RPH3AL: variants seen among roughly 807,000 people sequenced by gnomAD.
The protein encoded by RPH3AL is rab effector Noc2.
RPH3AL carries 38 observed loss-of-function variants against 43.1 expected under a neutral mutation model. The observed-to-expected ratio is 0.88, with a 90% confidence interval of 0.68 to 1.15. The LOEUF (loss-of-function observed/expected upper bound fraction) is 1.15. Ranked by LOEUF, RPH3AL falls within the 50% of genes most tolerant of loss-of-function variation. The pLI is 0.00. For missense variants in RPH3AL, 462 were observed against 423.2 expected (o/e 1.09, Z -0.81); for synonymous variants, 189 against 176.3 (o/e 1.07, Z -0.57).
At chr17:334,725 A>C (rs4993403) in intron 1 of RPH3AL, among the ~76,000 whole-genome samples, 3 of 122,310 alleles carry the variant, frequency 2.5e-5, no homozygotes, top group Non-Finnish European at 3.5e-5. Context: ...CACCCCCAGC[A>C]AGTGCGGCTC....
At chr17:314,258 T>C (rs2043758810) in intron 5 of RPH3AL, among the ~76,000 whole-genome samples, 1 of 152,186 alleles carries the variant, frequency 6.6e-6, no homozygotes. Context: ...GGCCAGGCTC[T>C]GTGCCTCTCC....
At chr17:242,153 G>A (rs2041555137) in intron 7 of RPH3AL, among the ~76,000 whole-genome samples, 1 of 152,078 alleles carries the variant, frequency 6.6e-6, no homozygotes, top group South Asian at 2.1e-4. Context: ...AAACTTTAAA[G>A]GAGGAAGAAA....
At chr17:315,932 C>A (rs980088414) in intron 5 of RPH3AL, among the ~76,000 whole-genome samples, 1,641 of 117,014 alleles carry the variant, frequency 0.014, no homozygotes, top group South Asian at 0.019. Flanking sequence ...CCCTGTGCCC[C>A]CACCTCCATT....
At chr17:326,571 C>T (rs1226826812) in intron 3 of RPH3AL, among the ~76,000 whole-genome samples, 2 of 152,130 alleles carry the variant, frequency 1.3e-5, no homozygotes, top group Non-Finnish European at 2.9e-5. Context: ...TGAGAGGTCA[C>T]TAGGCTGAGG....
At chr17:226,433 T>C (rs2041108537) in intron 7 of RPH3AL, among the ~76,000 whole-genome samples, 1 of 152,346 alleles carries the variant, frequency 6.6e-6, no homozygotes, top group Middle Eastern at 3.4e-3. Context: ...CTCACTGTGT[T>C]GGGATTTCAA....
rs1218140452 is a variant in RPH3AL, at chr17:321,303, G to T, written c.190C>A (p.Arg64=). The change falls in exon 4 of 10, where the codon CGG becomes AGG. Residue 64 remains arginine (R), a synonymous_variant. Coordinates refer to ENST00000331302, the MANE Select transcript of RPH3AL (RefSeq NM_006987.4). ...AILQVIQRAE[R]LDVLEQQRIG... is the part of the protein sequence containing the mutation. Reference sequence around the variant, plus strand: ...CTCTGCTGCTCCAGGACGTCGAGCCGCTCTGCCCTCTGGATGACCTGCAGG... The same window carrying T: ...CTCTGCTGCTCCAGGACGTCGAGCCTCTCTGCCCTCTGGATGACCTGCAGG... 7 of 1,610,248 alleles carry T rather than the reference G, an allele frequency of 4.3e-6. No homozygotes were observed. Among genetic ancestry groups the T allele is most frequent in the African/African-American group, 1.3e-5 (1 of 75,038 alleles).
intron 5 of RPH3AL, among the ~76,000 whole-genome samples, chr17:314,193 G>C (rs1000916090): frequency 2.0e-5 from 3 of 152,194 alleles, no homozygotes; most frequent in Non-Finnish European, 2.9e-5. Context: ...CCCAGGGGAA[G>C]TGGGCCAGGA....
chr17:269,071 G>A (rs1274056023), intron 6 of RPH3AL, among the ~76,000 whole-genome samples: 2 of 152,094 alleles, frequency 1.3e-5, no homozygotes, highest in Non-Finnish European at 2.9e-5. Flanking sequence ...GTAGAGACGG[G>A]GTTTCACCGT....
In RPH3AL at chr17:260,019, C is replaced by T. The variant is rs1235881268; in HGVS notation, c.439-12734G>A. Among the ~76,000 whole-genome samples, 3 of 152,210 alleles carry T rather than the reference C, an allele frequency of 2.0e-5. No individual in the cohort carries two copies. The East Asian group carries it at 5.8e-4, about 29-fold the overall frequency. On this transcript the variant is annotated intron_variant, in intron 6 of 9. Coordinates refer to ENST00000331302, the MANE Select transcript of RPH3AL (RefSeq NM_006987.4). ...GACAGGGGAGCCTGAAGACCCCTCT[C>T]TCTGTCCATTGTCCACCCCTTCCAT...
rs1018222951 is a variant in RPH3AL, at chr17:269,090, G to A, written c.438+12678C>T. Among the ~76,000 whole-genome samples, 11 of 152,274 alleles carry A rather than the reference G, an allele frequency of 7.2e-5. No homozygotes were observed. In the South Asian group the frequency reaches 1.7e-3, roughly 23 times the overall value. ...AGACGGGGTTTCACCGTGTTAGCCAGGATGGTCTCGATCTCCTGACCTCAT... is the reference window on the plus strand; with the variant it reads ...AGACGGGGTTTCACCGTGTTAGCCAAGATGGTCTCGATCTCCTGACCTCAT... On this transcript the variant is annotated intron_variant, in intron 6 of 9. Transcript: ENST00000331302.
At chr17:318,941 C>T (rs2151695839) in intron 5 of RPH3AL, among the ~76,000 whole-genome samples, 1 of 152,270 alleles carries the variant, frequency 6.6e-6, no homozygotes, top group East Asian at 1.9e-4. Context: ...ACATTTTTTC[C>T]TTGTTGCCTT....
At chr17:242,697 C>CT (rs1284423301) in intron 7 of RPH3AL, among the ~76,000 whole-genome samples, 1 of 120,676 alleles carries the variant, frequency 8.3e-6, no homozygotes, top group East Asian at 2.7e-4. Context: ...TATTGATTAC[C>CT]TTCCTCTATT....
Position 280,397 on chromosome 17 carries a change from C to T in RPH3AL, c.438+1371G>A, listed in dbSNP as rs1279178064. 2.6e-5 allele frequency among the ~76,000 whole-genome samples: 4 copies of T among 152,304 alleles called. 1 individual carries two copies. The East Asian group carries it at 5.8e-4, about 22-fold the overall frequency. On this transcript the variant is annotated intron_variant, in intron 6 of 9. Transcript: ENST00000331302. ...CAGAGGAAAGCAAGCCCAGCAGCAGCAGGGCCTGGCCAAGCTGTCACGGCT... is the reference window on the plus strand; with the variant it reads ...CAGAGGAAAGCAAGCCCAGCAGCAGTAGGGCCTGGCCAAGCTGTCACGGCT...
At position 219,022 on chromosome 17, in the gene RPH3AL, C is replaced by T. The variant is rs374643426; in HGVS notation, c.727+601G>A. 2.0e-5 allele frequency among the ~76,000 whole-genome samples: 3 copies of T among 152,086 alleles called. No individual in the cohort carries two copies. In the East Asian group the frequency reaches 5.8e-4, roughly 30 times the overall value. The stretch of plus-strand genomic sequence containing the variant: ...ATGGGTGGCCTGGCTGGCCCTGGCT[C>T]CTGTCCTTTGCCTGCCCTCCTCACC... On this transcript the variant is annotated intron_variant, in intron 8 of 9. Transcript: ENST00000331302.
At chr17:348,636 C>G (rs7208299) in intron 1 of RPH3AL, among the ~76,000 whole-genome samples, 145,836 of 152,228 alleles carry the variant, frequency 0.96, 69,996 homozygotes, top group East Asian at 1. Context: ...GTCATCAATG[C>G]GGAAGAATCT....
intron 5 of RPH3AL, among the ~76,000 whole-genome samples, chr17:296,605 G>C (rs556499100): frequency 6.6e-6 from 1 of 152,214 alleles, no homozygotes; most frequent in Non-Finnish European, 1.5e-5. Context: ...TCACGAGCTC[G>C]TTTCCGCCGA....
intron 7 of RPH3AL, among the ~76,000 whole-genome samples, chr17:238,324 A>G: frequency 6.6e-6 from 1 of 152,094 alleles, no homozygotes; most frequent in East Asian, 1.9e-4. Flanking sequence ...AGAAAGAGAG[A>G]GAGAAAGAGA....
At chr17:236,608 G>A (rs918054234) in intron 7 of RPH3AL, among the ~76,000 whole-genome samples, 5 of 152,226 alleles carry the variant, frequency 3.3e-5, no homozygotes, top group Non-Finnish European at 2.9e-5. Context: ...AGCGGGCGTC[G>A]GGAGCACAGA....
chr17:236,842 C>T (rs3923017), intron 7 of RPH3AL, among the ~76,000 whole-genome samples: 9,069 of 152,366 alleles, frequency 0.06, 304 homozygotes, highest in Non-Finnish European at 0.069. Flanking sequence ...CCTGACGCTG[C>T]ACGGCTTCCG....
Sources: allele counts gnomAD v4.1 joint callset (sites outside exome capture counted in the v4.1 genomes callset), GRCh38; gene constraint gnomAD v4.1.1; transcripts MANE v1.5; gene names NCBI Gene and HGNC (gene_info 2026-07-23, HGNC 2026-07-21).